CTNNA2: variants seen among roughly 807,000 people sequenced by gnomAD.
CTNNA2 encodes the protein catenin alpha 2.
A neutral mutation model predicts 101.0 loss-of-function variants in CTNNA2; 42 were observed. The observed-to-expected ratio is 0.42, with a 90% CI of 0.32 to 0.54. The LOEUF is 0.54. CTNNA2 is among the 20% of genes least tolerant of loss of function. The pLI, the probability that CTNNA2 is intolerant of heterozygous loss-of-function variation, is 0.14. For missense variants in CTNNA2, 871 were observed against 1,223.1 expected (o/e 0.71, Z 4.29); for synonymous variants, 450 against 456.4 (o/e 0.99, Z 0.18).
intron 4 of CTNNA2, among the ~76,000 whole-genome samples, chr2:79,464,082 C>T (rs1171588273): frequency 6.6e-6 from 1 of 151,842 alleles, no homozygotes; most frequent in East Asian, 1.9e-4. Flanking sequence ...GTGCTGCACT[C>T]ATTAACTTGT....
At chr2:79,612,363 A>G (rs1678332531) in intron 1 of CTNNA2, among the ~76,000 whole-genome samples, 3 of 152,182 alleles carry the variant, frequency 2.0e-5, no homozygotes, top group South Asian at 4.1e-4. Context: ...AACAGTTTCT[A>G]AATCAAAATC....
intron 7 of CTNNA2, among the ~76,000 whole-genome samples, chr2:80,154,171 G>T (rs975417894): frequency 3.3e-5 from 5 of 152,252 alleles, no homozygotes; most frequent in African/African-American, 1.2e-4. Flanking sequence ...ATTTAGTTCT[G>T]CAGTTTATGT....
At chr2:80,043,093 TTCTCTCTCTCTCTCTC>T (rs201701924) in intron 7 of CTNNA2, among the ~76,000 whole-genome samples, 5 of 32,704 alleles carry the variant, frequency 1.5e-4, no homozygotes, top group East Asian at 8.7e-4. Context: ...CTTTCTTTCT[TTCTCTCTCTCTCTCTC>T]TCTTTCTTTC....
chr2:80,473,033 T>C (rs1423928097), intron 9 of CTNNA2, among the ~76,000 whole-genome samples: 1 of 152,208 alleles, frequency 6.6e-6, no homozygotes, highest in Non-Finnish European at 1.5e-5. Flanking sequence ...AGTCAATATG[T>C]ACAACTTTTG....
At chr2:79,208,463 C>G (rs550270546) in intron 2 of CTNNA2, among the ~76,000 whole-genome samples, 39 of 152,168 alleles carry the variant, frequency 2.6e-4, no homozygotes, top group Admixed American at 5.2e-4. Flanking sequence ...GGGGGATATC[C>G]GGTTTGAAAC....
chr2:80,352,320 A>T (rs72912835), intron 7 of CTNNA2, among the ~76,000 whole-genome samples: 2 of 152,180 alleles, frequency 1.3e-5, no homozygotes, highest in African/African-American at 4.8e-5. Context: ...AGCGACCTAT[A>T]AAGGAGCCAT....
chr2:80,262,273 T>G (rs914010370), intron 7 of CTNNA2, among the ~76,000 whole-genome samples: 2 of 152,088 alleles, frequency 1.3e-5, no homozygotes, highest in African/African-American at 4.8e-5. Context: ...TAAAGTAAAT[T>G]TTGATAATCT....
chr2:79,271,500 C>T (rs1007409486), intron 2 of CTNNA2, among the ~76,000 whole-genome samples: 2 of 152,154 alleles, frequency 1.3e-5, no homozygotes, highest in South Asian at 2.1e-4. Flanking sequence ...CAATTTATTC[C>T]TTATGAAGTA....
intron 5 of CTNNA2, among the ~76,000 whole-genome samples, chr2:79,872,521 A>C (rs1025536450): frequency 6.6e-6 from 1 of 152,208 alleles, no homozygotes; most frequent in African/African-American, 2.4e-5. Flanking sequence ...ATACATTCAA[A>C]TATTTGTTAC....
At chr2:80,343,843 C>T (rs1200419588) in intron 7 of CTNNA2, among the ~76,000 whole-genome samples, 1 of 152,196 alleles carries the variant, frequency 6.6e-6, no homozygotes, top group Non-Finnish European at 1.5e-5. Context: ...AAACAATATT[C>T]TGTGGCATCA....
intron 3 of CTNNA2, among the ~76,000 whole-genome samples, chr2:79,369,080 C>T (rs1002462581): frequency 6.6e-6 from 1 of 152,154 alleles, no homozygotes; most frequent in Admixed American, 6.5e-5. Flanking sequence ...ACCAACCTCT[C>T]ACACAGCCAC....
At chr2:80,577,418 G>A (rs1269816875) in intron 13 of CTNNA2, among the ~76,000 whole-genome samples, 1 of 152,228 alleles carries the variant, frequency 6.6e-6, no homozygotes, top group South Asian at 2.1e-4. Context: ...GTTTCCGGCG[G>A]AGGAAATGTC....
At chr2:79,450,130 G>T (rs1356700241) in intron 4 of CTNNA2, among the ~76,000 whole-genome samples, 3 of 151,770 alleles carry the variant, frequency 2.0e-5, no homozygotes, top group South Asian at 2.1e-4. Context: ...CAGCAGAGAG[G>T]CCCACTAAAG....
At chr2:80,589,618 G>A (rs747417764) in intron 15 of CTNNA2, 133 bp downstream of exon 15, 12 of 796,742 alleles carry the variant, frequency 1.5e-5, no homozygotes, top group South Asian at 2.2e-5. Flanking sequence ...AAATTTACAT[G>A]TATAAGTCAA....
At chr2:79,325,877 A>T (rs893112615) in intron 3 of CTNNA2, among the ~76,000 whole-genome samples, 2 of 152,138 alleles carry the variant, frequency 1.3e-5, no homozygotes, top group Non-Finnish European at 2.9e-5. Context: ...CCAAACTTTG[A>T]TCATCATATT....
chr2:79,732,072 G>C (rs1425866981), intron 2 of CTNNA2, among the ~76,000 whole-genome samples: 2 of 151,900 alleles, frequency 1.3e-5, no homozygotes, highest in African/African-American at 4.8e-5. Context: ...GTCTATACTA[G>C]TGTCATAATT....
At chr2:79,799,469 G>T (rs1462503032) in intron 3 of CTNNA2, among the ~76,000 whole-genome samples, 4 of 152,068 alleles carry the variant, frequency 2.6e-5, no homozygotes, top group African/African-American at 7.2e-5. Flanking sequence ...GTCCAGAAAG[G>T]CATGTAGAAA....
chr2:79,965,692 C>T (rs537602035), intron 7 of CTNNA2, among the ~76,000 whole-genome samples: 10 of 151,610 alleles, frequency 6.6e-5, no homozygotes, highest in African/African-American at 1.2e-4. Context: ...GGTGTGGTGT[C>T]GCATGCCTGT....
chr2:79,742,998 A>G (rs1398958579), intron 2 of CTNNA2, among the ~76,000 whole-genome samples: 1 of 152,080 alleles, frequency 6.6e-6, no homozygotes, highest in Non-Finnish European at 1.5e-5. Flanking sequence ...ATTAATTGTG[A>G]CTTTGAGTCA....
Sources: allele counts gnomAD v4.1 joint callset (sites outside exome capture counted in the v4.1 genomes callset), GRCh38; gene constraint gnomAD v4.1.1; transcripts MANE v1.5; gene names NCBI Gene and HGNC (gene_info 2026-07-23, HGNC 2026-07-21).